POLRMT: variants seen among roughly 807,000 people sequenced by gnomAD.
POLRMT encodes RNA polymerase mitochondrial.
A neutral mutation model predicts 132.2 loss-of-function variants in POLRMT; 114 were observed. The ratio of observed to expected loss-of-function variants is 0.86; its 90% confidence interval spans 0.74 to 1.01. POLRMT has a LOEUF of 1.01. Among genes scored for constraint, POLRMT ranks in the 50% least tolerant of loss-of-function variants. The pLI, the probability that POLRMT is intolerant of heterozygous loss-of-function variation, is 0.00. For synonymous variants in POLRMT, 1,020 were observed against 773.4 expected, an observed-to-expected ratio of 1.32 and a Z score of -5.29; for missense variants, 2,003 against 1,729.1, an observed-to-expected ratio of 1.16 and a Z score of -2.81.
chr19:631,286 C>G lies in POLRMT; in HGVS notation c.194-1118G>C, dbSNP rs1985394564. ...CTGGCTGCTGTGAGCCGTGATCAGG[C>G]CACCGTGCTGCAGCCTGAGAGACAG... is the stretch of plus-strand genomic sequence containing the variant. On this transcript the variant is annotated intron_variant, in intron 2 of 20. Coordinates refer to ENST00000588649, the MANE Select transcript of POLRMT (RefSeq NM_005035.4). Among the ~76,000 whole-genome samples, 4 of 150,484 alleles carry G rather than the reference C, an allele frequency of 2.7e-5. No individual in the cohort carries two copies. The South Asian group carries it at 8.4e-4, about 32-fold the overall frequency.
chr19:620,921 GCAGGGGGCGCCAGGGGAGGGGGA>G, intron 10 of POLRMT, 114 bp downstream of exon 10: 1 of 139,800 alleles, frequency 7.2e-6, no homozygotes, highest in Non-Finnish European at 1.1e-5. Flanking sequence ...AGGAAGACGG[GCAGGGGGCGCCAGGGGAGGGGGA>G]GGGGAGGAGG....
In POLRMT at chr19:619,028, A is replaced by G. The variant is rs1181462926; in HGVS notation, c.3236T>C (p.Ile1079Thr). The G allele has an allele frequency of 6.3e-7, 1 of 1,598,572 alleles. No individual in the cohort carries two copies. The highest frequency in any genetic ancestry group is 8.5e-7 in the Non-Finnish European group (1 of 1,172,852). Residue 1079 changes from isoleucine to threonine, a missense_variant, in exon 15 of 21, where the codon ATC (isoleucine) becomes ACC (threonine). Ile to Thr is a moderately conservative substitution (Grantham distance 89). Transcript: ENST00000588649. ...EWVTPLGVPV[I>T]QPYRLDSKVK... is the part of the protein sequence containing the mutation. ...CTTGGAGTCCAGGCGATAGGGCTGGATGACGGGGACGCCCAGGGGTGTGAC... is the reference window on the plus strand; with the variant it reads ...CTTGGAGTCCAGGCGATAGGGCTGGGTGACGGGGACGCCCAGGGGTGTGAC...
In POLRMT at chr19:622,794, G is replaced by A. The variant is rs766559780; in HGVS notation, c.1455+27C>T. The A allele has an allele frequency of 7.6e-6, 12 of 1,570,938 alleles. No individual in the cohort carries two copies. In the South Asian group the frequency reaches 1.4e-4, roughly 18 times the overall value. On this transcript the variant is annotated intron_variant, in intron 7 of 20. Transcript: ENST00000588649. ...TGAGTGCCTGCCCGCCCCGCCCGGG[G>A]ACCCGGCCGCGCGGAGGAAGACGCA... is the stretch of plus-strand genomic sequence containing the variant.
chr19:623,723 G>A (rs1046865826), intron 5 of POLRMT, 120 bp from the exon 6 acceptor site: 198 of 1,252,028 alleles, frequency 1.6e-4, no homozygotes, highest in Admixed American at 3.0e-4. Flanking sequence ...GGTGGCTATC[G>A]CTGACGCGGG....
chr19:620,176 T>G, intron 11 of POLRMT, 96 bp from the exon 12 acceptor site: 2 of 1,497,906 alleles, frequency 1.3e-6, no homozygotes, highest in Non-Finnish European at 1.8e-6. Flanking sequence ...CCTAGGGCCG[T>G]GCACCCCCCA....
At chr19:617,690 A>C (rs762169550) in intron 18 of POLRMT, 35 bp from the exon 19 acceptor site, 8 of 1,611,532 alleles carry the variant, frequency 5.0e-6, no homozygotes, top group Non-Finnish European at 6.8e-6. Context: ...AGGGGTGATC[A>C]GGCAGGCTCT....
intron 3 of POLRMT, among the ~76,000 whole-genome samples, chr19:627,090 G>A (rs1172568220): frequency 1.3e-5 from 2 of 150,674 alleles, no homozygotes; most frequent in African/African-American, 4.9e-5. Context: ...TGCAGCTGAA[G>A]ACATGCTGTG....
At chr19:627,133 C>T (rs143657226) in intron 3 of POLRMT, among the ~76,000 whole-genome samples, 1,695 of 147,826 alleles carry the variant, frequency 0.011, 17 homozygotes, top group Non-Finnish European at 0.017. Flanking sequence ...AGACCAGAGA[C>T]ATGAGTTTTG....
chr19:621,865 A>G lies in POLRMT; in HGVS notation c.1852-19T>C, dbSNP rs1347546456. On this transcript the variant is annotated intron_variant, in intron 9 of 20. Coordinates refer to ENST00000588649, the MANE Select transcript of POLRMT (RefSeq NM_005035.4). ...TGCCGATCTGGGGTGCGACAGGCAG[A>G]CGGGTCAGGGCCCCGGTGCTGGGGC... is the stretch of plus-strand genomic sequence containing the variant. 7.5e-6 allele frequency: 12 copies of G among 1,600,198 alleles called. No individual in the cohort carries two copies. Among genetic ancestry groups the G allele is most frequent in the Non-Finnish European group, 1.0e-5 (12 of 1,179,552 alleles).
intron 17 of POLRMT, 21 bp from the exon 18 acceptor site, chr19:617,870 C>T (rs1374771256): frequency 5.6e-6 from 9 of 1,611,570 alleles, no homozygotes; most frequent in East Asian, 2.2e-5. Context: ...GCGGAGGACT[C>T]CTGAAGGGAG....
chr19:617,743 C>G, intron 18 of POLRMT, 34 bp downstream of exon 18: 1 of 1,612,690 alleles, frequency 6.2e-7, no homozygotes, highest in Non-Finnish European at 8.5e-7. Context: ...GGGCCCCACC[C>G]ATGGGTGGAC....
intron 17 of POLRMT, chr19:618,134 A>G: frequency 5.3e-6 from 3 of 565,632 alleles, no homozygotes; most frequent in South Asian, 2.1e-5. Flanking sequence ...CCCTCCTGCC[A>G]GGGCCACCAC....
At chr19:620,651 T>A (rs1363311969) in intron 10 of POLRMT, among the ~76,000 whole-genome samples, 164 bp from the exon 11 acceptor site, 1 of 149,430 alleles carries the variant, frequency 6.7e-6, no homozygotes, top group Non-Finnish European at 1.5e-5. Flanking sequence ...GGATGAGTTC[T>A]CCATAGCCAC....
At position 630,114 on chromosome 19, in the gene POLRMT, A is replaced by C. The variant is rs1333643591; in HGVS notation, c.248T>G (p.Val83Gly). 1.2e-6 allele frequency: 2 copies of C among 1,612,352 alleles called. No individual in the cohort carries two copies. The highest frequency in any genetic ancestry group is 2.2e-5 in the South Asian group (2 of 90,984). Reference sequence around the variant, plus strand: ...GAGCCGCGCCACATCCACCCTGTTCACCACCACCTCCGACACGCTCTCAGC... The same window carrying C: ...GAGCCGCGCCACATCCACCCTGTTCCCCACCACCTCCGACACGCTCTCAGC... ...LQAESVSEVV[V>G]NRVDVARLPE... is the part of the protein sequence containing the mutation. The change falls in exon 3 of 21, where the codon GTG (valine) becomes GGG (glycine). Residue 83 changes from valine to glycine, a missense_variant. Val to Gly is a moderately radical substitution (Grantham distance 109). Transcript: ENST00000588649.
intron 3 of POLRMT, among the ~76,000 whole-genome samples, chr19:626,063 G>C (rs570396155): frequency 6.6e-6 from 1 of 152,076 alleles, no homozygotes; most frequent in Non-Finnish European, 1.5e-5. Context: ...TGTGTCAGCT[G>C]CATCCCAGGA....
intron 10 of POLRMT, 86 bp downstream of exon 10, chr19:620,972 C>CCA (rs1984514460): frequency 1.5e-6 from 1 of 674,038 alleles, no homozygotes; most frequent in African/African-American, 5.6e-5. Context: ...GCAGGGGGCG[C>CCA]GGGGGCGCCG....
chr19:631,507 T>C (rs1985415760), intron 2 of POLRMT, among the ~76,000 whole-genome samples: 1 of 151,304 alleles, frequency 6.6e-6, no homozygotes, highest in Non-Finnish European at 1.5e-5. Flanking sequence ...GGCGTGGTGG[T>C]GCGCGCCTGT....
At chr19:620,574 G>C (rs1339168547) in intron 10 of POLRMT, 87 bp from the exon 11 acceptor site, 1 of 1,421,304 alleles carries the variant, frequency 7.0e-7, no homozygotes, top group African/African-American at 1.4e-5. Context: ...GGTGGGAAAT[G>C]GGGAGGAGAC....
chr19:627,305 C>T (rs1012600015), intron 3 of POLRMT, among the ~76,000 whole-genome samples: 1 of 152,036 alleles, frequency 6.6e-6, no homozygotes, highest in Non-Finnish European at 1.5e-5. Flanking sequence ...GCGCCCGCCA[C>T]CACACCCGGC....
Sources: allele counts gnomAD v4.1 joint callset (sites outside exome capture counted in the v4.1 genomes callset), GRCh38; gene constraint gnomAD v4.1.1; transcripts MANE v1.5; gene names NCBI Gene and HGNC (gene_info 2026-07-23, HGNC 2026-07-21).